TSC22D1: variants seen among roughly 807,000 people sequenced by gnomAD.
The protein encoded by TSC22D1 is TSC22 domain family member 1.
In TSC22D1, 9 loss-of-function variants were observed where a neutral mutation model predicts 74.2. That is an observed-to-expected ratio of 0.12 (90% CI 0.07 to 0.21). The LOEUF (loss-of-function observed/expected upper bound fraction) is 0.21, where lower values mean the gene tolerates loss of function less well. TSC22D1 is among the 10% of genes least tolerant of loss of function. The pLI, the probability that TSC22D1 is intolerant of heterozygous loss-of-function variation, is 1.00. For synonymous variants in TSC22D1, 586 were observed against 492.5 expected (o/e 1.19, Z -2.51); for missense variants, 1,427 against 1,304.7 (o/e 1.09, Z -1.44).
chr13:44,488,308 T>C (rs942265576), intron 1 of TSC22D1, among the ~76,000 whole-genome samples: 4 of 152,120 alleles, frequency 2.6e-5, no homozygotes, highest in African/African-American at 9.7e-5. Context: ...AAGTGCAAAA[T>C]ACACACCAGC....
At chr13:44,504,278 A>G (rs1348810156) in intron 1 of TSC22D1, among the ~76,000 whole-genome samples, 2 of 132,750 alleles carry the variant, frequency 1.5e-5, no homozygotes, top group East Asian at 2.6e-4. Context: ...CTAGTTTTAG[A>G]GCATTCTTAA....
intron 1 of TSC22D1, among the ~76,000 whole-genome samples, chr13:44,440,587 CAAAAAA>C (rs67344848): frequency 5.9e-5 from 4 of 68,266 alleles, no homozygotes; most frequent in African/African-American, 2.5e-4. Flanking sequence ...GGCTCTGTCT[CAAAAAA>C]AAAAAAAAAA....
chr13:44,474,943 C>G (rs1248170356), intron 1 of TSC22D1, among the ~76,000 whole-genome samples: 1 of 152,132 alleles, frequency 6.6e-6, no homozygotes, highest in Admixed American at 6.5e-5. Context: ...CTTAGATATT[C>G]TACTCTAGCC....
chr13:44,568,642 C>T (rs1369155288), intron 1 of TSC22D1, among the ~76,000 whole-genome samples: 1 of 152,188 alleles, frequency 6.6e-6, no homozygotes, highest in Non-Finnish European at 1.5e-5. Context: ...CAGCCCCACA[C>T]TGCAAATCTC....
intron 1 of TSC22D1, among the ~76,000 whole-genome samples, chr13:44,562,835 C>T (rs1013514292): frequency 6.6e-6 from 1 of 152,062 alleles, no homozygotes; most frequent in Non-Finnish European, 1.5e-5. Flanking sequence ...AGCCGGGAGC[C>T]GTGGCTCATG....
chr13:44,557,851 T>C lies in TSC22D1; in HGVS notation c.2912+15312A>G, dbSNP rs546168196. Among the ~76,000 whole-genome samples, 17 of 152,330 alleles carry C rather than the reference T, an allele frequency of 1.1e-4. No homozygotes were observed. In the South Asian group the frequency reaches 3.5e-3, roughly 32 times the overall value. ...CTAATAATTTATTGAAATATTTATGTCATGAAACTGGGTGTCTCCATATTC... is the reference window on the plus strand; with the variant it reads ...CTAATAATTTATTGAAATATTTATGCCATGAAACTGGGTGTCTCCATATTC... On this transcript the variant is annotated intron_variant, in intron 1 of 2. Transcript: ENST00000458659.
At chr13:44,528,450 A>G (rs540847339) in intron 1 of TSC22D1, among the ~76,000 whole-genome samples, 2 of 152,234 alleles carry the variant, frequency 1.3e-5, no homozygotes, top group African/African-American at 4.8e-5. Flanking sequence ...TAAATATAAC[A>G]TCGGTCAAAG....
At chr13:44,499,906 G>A (rs938281591) in intron 1 of TSC22D1, among the ~76,000 whole-genome samples, 3 of 151,930 alleles carry the variant, frequency 2.0e-5, no homozygotes, top group Admixed American at 1.3e-4. Flanking sequence ...GGCCTACATG[G>A]TGAAACCCCA....
intron 1 of TSC22D1, among the ~76,000 whole-genome samples, chr13:44,513,192 T>TATCCTA (rs1952530955): frequency 6.6e-6 from 1 of 152,228 alleles, no homozygotes; most frequent in African/African-American, 2.4e-5. Context: ...AAAATGTCCT[T>TATCCTA]GTAATGGTTG....
chr13:44,456,211 A>G (rs1217981095), intron 1 of TSC22D1, among the ~76,000 whole-genome samples: 1 of 152,234 alleles, frequency 6.6e-6, no homozygotes, highest in Non-Finnish European at 1.5e-5. Flanking sequence ...TATCGCTAAC[A>G]GTAAAACAAC....
chr13:44,546,865 C>T (rs1427156096), intron 1 of TSC22D1, among the ~76,000 whole-genome samples: 1 of 151,892 alleles, frequency 6.6e-6, no homozygotes, highest in African/African-American at 2.4e-5. Flanking sequence ...GTCCACTTCC[C>T]TGACGAGCGA....
intron 1 of TSC22D1, among the ~76,000 whole-genome samples, chr13:44,572,143 T>C (rs998733263): frequency 2.6e-5 from 4 of 152,174 alleles, no homozygotes; most frequent in Non-Finnish European, 5.9e-5. Flanking sequence ...ATAACTCCTA[T>C]AATAGCATTT....
intron 1 of TSC22D1, among the ~76,000 whole-genome samples, chr13:44,485,261 A>G (rs938196575): frequency 5.0e-4 from 76 of 152,304 alleles, no homozygotes; most frequent in Non-Finnish European, 6.8e-4. Context: ...AGTGCTTAGT[A>G]TAAGTAAATG....
intron 1 of TSC22D1, among the ~76,000 whole-genome samples, chr13:44,505,660 A>C (rs966703594): frequency 4.6e-5 from 7 of 152,222 alleles, no homozygotes; most frequent in African/African-American, 1.7e-4. Flanking sequence ...TATCCCAGAA[A>C]AAACTCTGTG....
intron 1 of TSC22D1, among the ~76,000 whole-genome samples, chr13:44,470,514 C>T (rs904711794): frequency 5.3e-5 from 8 of 152,140 alleles, no homozygotes; most frequent in Non-Finnish European, 1.2e-4. Context: ...GGAAAGATTC[C>T]TTAAAGTTGC....
intron 1 of TSC22D1, among the ~76,000 whole-genome samples, chr13:44,530,535 T>G (rs1880777423): frequency 1.3e-5 from 2 of 152,028 alleles, no homozygotes; most frequent in Admixed American, 6.6e-5. Flanking sequence ...AAGGCAGACT[T>G]TATTAAAATT....
At chr13:44,436,645 A>T in intron 1 of TSC22D1, 1 of 1,601,634 alleles carries the variant, frequency 6.2e-7, no homozygotes. Flanking sequence ...GCAGCCAAAA[A>T]CACCCTCGTG....
At chr13:44,453,081 T>C (rs1205783764) in intron 1 of TSC22D1, among the ~76,000 whole-genome samples, 1 of 152,238 alleles carries the variant, frequency 6.6e-6, no homozygotes, top group African/African-American at 2.4e-5. Flanking sequence ...ATTACCCAAG[T>C]TATTTTTTAA....
At chr13:44,454,814 C>T (rs368418762) in intron 1 of TSC22D1, among the ~76,000 whole-genome samples, 1 of 151,312 alleles carries the variant, frequency 6.6e-6, no homozygotes, top group African/African-American at 2.4e-5. Context: ...TCATACTCAT[C>T]ACCACTATGA....
Sources: gnomAD v4.1 joint callset for allele counts (sites outside exome capture counted in the v4.1 genomes callset) on GRCh38, gnomAD v4.1.1 for gene constraint, MANE v1.5 for transcripts, NCBI Gene and HGNC (gene_info 2026-07-23, HGNC 2026-07-21) for gene names.